Variants in MYH8 observed in about 807,000 individuals in gnomAD.
The protein encoded by MYH8 is myosin heavy chain 8, also known as myosin-8.
MYH8 carries 168 observed loss-of-function variants against 233.2 expected under a neutral mutation model. The observed-to-expected ratio is 0.72, with a 90% CI of 0.64 to 0.82. The LOEUF (loss-of-function observed/expected upper bound fraction) is 0.82. Among genes scored for constraint, MYH8 ranks in the 40% least tolerant of loss-of-function variants. MYH8 has a pLI of 0.00. For missense variants in MYH8, 1,995 were observed against 2,327.8 expected (o/e 0.86, Z 2.94); for synonymous variants, 785 against 850.6 (o/e 0.92, Z 1.34).
In MYH8 at chr17:10,404,574, A is replaced by C. The variant is rs757564301; in HGVS notation, c.2444T>G (p.Phe815Cys). Residue 815 changes from phenylalanine (F) to cysteine (C), a missense_variant, in exon 22 of 40, where the codon TTC becomes TGC. Physicochemically the swap from Phe to Cys is radical, Grantham distance 205. Transcript: ENST00000403437. ...QKMLQRREALFCIQYNVRAFM... is the reference protein window; with the variant it reads ...QKMLQRREALCCIQYNVRAFM... ...GGCACGGACATTATACTGGATGCAG[A>C]AAAGTGCTTCTCTGCGATGACATGA... 1.1e-5 allele frequency: 17 copies of C among 1,613,904 alleles called. No individual in the cohort carries two copies. Among genetic ancestry groups the C allele is most frequent in the Admixed American group, 1.7e-5 (1 of 60,006 alleles).
rs2072084735 is a variant in MYH8 at position 10,396,902 on chromosome 17, C to G, written c.4263G>C (p.Lys1421Asn). 2 of 1,614,078 alleles carry G rather than the reference C, an allele frequency of 1.2e-6. No individual in the cohort carries two copies. The highest frequency in any genetic ancestry group is 1.7e-6 in the Non-Finnish European group (2 of 1,180,054). The change falls in exon 31 of 40, where the codon AAG (lysine) becomes AAC (asparagine). Residue 1421 changes from lysine (K) to asparagine (N), a missense_variant. Transcript: ENST00000403437. The surrounding 1 kb of genome is among the most constrained non-coding windows in gnomAD (Gnocchi z 4.2). The part of the protein sequence containing the change: ...NAKCASLEKT[K>N]QRLQNEVEDL... ...CTTCAACTTCATTCTGGAGCCGCTG[C>G]TTCGTCTTCTCAAGGGAAGCACATT...
At position 10,392,616 on chromosome 17, in the gene MYH8, C is replaced by A; in HGVS notation, c.5494G>T (p.Glu1832Ter). The change falls in exon 38 of 40, where the codon GAA (glutamate) becomes TAA (stop). Residue 1832 changes from glutamate (E) to a stop codon, truncating the protein, a stop_gained. Transcript: ENST00000403437. LOFTEE classifies it high-confidence loss of function. ...VRELEGEVEN[E>*]QKRNAEAVKG... ...ACAGCCTCTGCATTACGTTTCTGTT[C>A]ATTTTCAACCTCTCCTTCAAGCTCA... 2 of 1,614,152 alleles carry A rather than the reference C, an allele frequency of 1.2e-6. No individual in the cohort carries two copies. Among genetic ancestry groups the A allele is most frequent in the Non-Finnish European group, 1.7e-6 (2 of 1,180,032 alleles).
At position 10,396,561 on chromosome 17, in the gene MYH8, T is replaced by C. The variant is rs768568873; in HGVS notation, c.4520A>G (p.Asn1507Ser). ...GGACTGTGAGGACTCACGTTGCAAG[T>C]TCTTATTTTCTCTTCTTAGCGTTTC... ...QLETLRRENK[N>S]LQQEISDLTE... The change falls in exon 32 of 40, where the codon AAC becomes AGC. Residue 1507 changes from asparagine (N) to serine (S), a missense_variant. Asn to Ser is a conservative substitution (Grantham distance 46, BLOSUM62 1). Transcript: ENST00000403437. This position sits in a 1 kb window ranked among gnomAD's most constrained non-coding sequence, Gnocchi z 4.2. The C allele has an allele frequency of 1.2e-6, 2 of 1,614,056 alleles. No homozygotes were observed. The highest frequency in any genetic ancestry group is 1.3e-5 in the African/African-American group (1 of 75,012).
In MYH8 at chr17:10,391,975, A is replaced by G; in HGVS notation, c.5571T>C (p.Thr1857=). 1 of 1,613,642 alleles carries G rather than the reference A, an allele frequency of 6.2e-7. No individual in the cohort carries two copies. The highest frequency in any genetic ancestry group is 8.5e-7 in the Non-Finnish European group (1 of 1,179,544). Residue 1857 remains threonine, a splice_region_variant and synonymous_variant, in exon 39 of 40, where the codon ACT becomes ACC. Coordinates refer to ENST00000403437, the MANE Select transcript of MYH8 (RefSeq NM_002472.3). ...TGAGAACATTCTTGCGATCTTCTTC[A>G]GTCTGAAAGTTTGAAAAAAATAATC... ...ERRVKELTYQ[T]EEDRKNVLRL...
chr17:10,397,205 T>G (rs562408014), intron 30 of MYH8, among the ~76,000 whole-genome samples: 1 of 152,350 alleles, frequency 6.6e-6, no homozygotes, highest in African/African-American at 2.4e-5. Context: ...GTTTCCCAAG[T>G]AGCTGGGATT....
At position 10,419,852 on chromosome 17, in the gene MYH8, A is replaced by G. The variant is rs759404748; in HGVS notation, c.210+166T>C. ...CTGTGCGAAGTTGGGAAGGGAAGACATGAAGGTACTGCTGTGAATTTCTTT... is the reference window on the plus strand; with the variant it reads ...CTGTGCGAAGTTGGGAAGGGAAGACGTGAAGGTACTGCTGTGAATTTCTTT... On this transcript the variant is annotated intron_variant, in intron 3 of 39. Transcript: ENST00000403437. This position sits in a 1 kb window ranked among gnomAD's most constrained non-coding sequence, Gnocchi z 4.0. 2.0e-5 allele frequency among the ~76,000 whole-genome samples: 3 copies of G among 152,228 alleles called. No individual in the cohort carries two copies. Among genetic ancestry groups the G allele is most frequent in the Non-Finnish European group, 2.9e-5 (2 of 68,040 alleles).
chr17:10,406,250 A>G, intron 20 of MYH8, 24 bp downstream of exon 20: 2 of 1,614,112 alleles, frequency 1.2e-6, no homozygotes, highest in Non-Finnish European at 1.7e-6. Context: ...TACTTGGATC[A>G]GGTGTAAATA....
In MYH8 at chr17:10,398,446, G is replaced by C. The variant is rs1279114110; in HGVS notation, c.4176C>G (p.Ala1392=). The change falls in exon 30 of 40, where the codon GCC becomes GCG. Residue 1392 remains alanine, a splice_region_variant and synonymous_variant. Coordinates refer to ENST00000403437, the MANE Select transcript of MYH8 (RefSeq NM_002472.3). The stretch of plus-strand genomic sequence containing the variant: ...CTTCTAGAGTTCACAGCACATACTT[G>C]GCCTCCTCCAGCTCCTCTGTGCGCT... ...AIQRTEELEE[A]KKKLAQRLQE... 4 of 1,613,672 alleles carry C rather than the reference G, an allele frequency of 2.5e-6. No homozygotes were observed. The highest frequency in any genetic ancestry group is 3.4e-6 in the Non-Finnish European group (4 of 1,179,850).
chr17:10,399,471 G>A, intron 28 of MYH8, 72 bp downstream of exon 28: 2 of 1,605,368 alleles, frequency 1.2e-6, no homozygotes, highest in Non-Finnish European at 1.7e-6. Flanking sequence ...TGGGAATATT[G>A]CTATTTATTA....
chr17:10,404,305 T>G, intron 22 of MYH8, 25 bp downstream of exon 22: 1 of 1,613,848 alleles, frequency 6.2e-7, no homozygotes, highest in Non-Finnish European at 8.5e-7. Flanking sequence ...AGTAACATGG[T>G]GCATTCAGAA....
chr17:10,394,211 A>G (rs1270615109), intron 35 of MYH8, 38 bp downstream of exon 35: 2 of 1,612,598 alleles, frequency 1.2e-6, no homozygotes, highest in Admixed American at 3.3e-5. Flanking sequence ...TGCATCAGCT[A>G]CCAGTACACC....
intron 17 of MYH8, among the ~76,000 whole-genome samples, chr17:10,407,190 T>C (rs1162462147): frequency 2.0e-5 from 3 of 152,202 alleles, no homozygotes; most frequent in Non-Finnish European, 4.4e-5. Flanking sequence ...CTCCAAGGTA[T>C]TCCTTTGTAA....
In MYH8 at chr17:10,396,693, T is replaced by C; in HGVS notation, c.4388A>G (p.Tyr1463Cys). The C allele has an allele frequency of 4.3e-6, 7 of 1,614,246 alleles. No individual in the cohort carries two copies. In the Middle Eastern group the frequency reaches 1.2e-3, roughly 266 times the overall value. ...CTCAAGTTCAGCCTGAGTTTCCTCA[T>C]ACTTCTGCTTCCATTCTGATAGGAC... Reference protein sequence around the residue: ...DKVLSEWKQKYEETQAELEAS... With the variant: ...DKVLSEWKQKCEETQAELEAS... Residue 1463 changes from tyrosine to cysteine, a missense_variant, in exon 32 of 40, where the codon TAT becomes TGT. Around this residue, in one of 3 missense-constraint regions of MYH8, gnomAD observed 1,498 missense variants for 1,680.9 expected, o/e 0.89. Transcript: ENST00000403437. The surrounding 1 kb of genome is among the most constrained non-coding windows in gnomAD (Gnocchi z 4.2).
chr17:10,408,987 T>C, intron 17 of MYH8, 110 bp downstream of exon 17: 1 of 988,770 alleles, frequency 1.0e-6, no homozygotes, highest in Non-Finnish European at 1.6e-6. Flanking sequence ...AGAGCTGATA[T>C]TTGAAGTGAT....
intron 34 of MYH8, 39 bp downstream of exon 34, chr17:10,395,094 T>G: frequency 1.2e-6 from 2 of 1,610,440 alleles, no homozygotes; most frequent in Non-Finnish European, 1.7e-6. Flanking sequence ...ACAGGTACTT[T>G]CCCTGCTTCA....
At chr17:10,398,994 G>GTGTGTATATATATATA (rs1555555758) in intron 28 of MYH8, 108 bp from the exon 29 acceptor site, 5 of 305,200 alleles carry the variant, frequency 1.6e-5, no homozygotes, top group African/African-American at 1.2e-4. Flanking sequence ...ATGTGTGTGT[G>GTGTGTATATATATATA]TATATATATA....
At chr17:10,404,973 A>G (rs1454726076) in intron 21 of MYH8, among the ~76,000 whole-genome samples, 1 of 152,176 alleles carries the variant, frequency 6.6e-6, no homozygotes, top group East Asian at 1.9e-4. Context: ...TGGTGATTGC[A>G]TGTTGATTGT....
At chr17:10,409,208 G>A (rs2072221680) in intron 16 of MYH8, 44 bp from the exon 17 acceptor site, 1 of 1,613,264 alleles carries the variant, frequency 6.2e-7, no homozygotes, top group East Asian at 2.2e-5. Context: ...GAATACCAGA[G>A]GCTTATATGA....
chr17:10,397,064 G>C, intron 30 of MYH8, 78 bp from the exon 31 acceptor site: 1 of 1,463,560 alleles, frequency 6.8e-7, no homozygotes, highest in Non-Finnish European at 9.5e-7. Flanking sequence ...CCTTTTCACA[G>C]TCCTATTTCT....
Sources: gnomAD v4.1 joint callset for allele counts (sites outside exome capture counted in the v4.1 genomes callset) on GRCh38, gnomAD v4.1.1 for gene constraint, gnomAD v4.1.1 regional missense constraint, Gnocchi (gnomAD v3.1) non-coding constraint, MANE v1.5 for transcripts, NCBI Gene and HGNC (gene_info 2026-07-23, HGNC 2026-07-21) for gene names.